Variants in SYT1 observed in about 807,000 individuals in gnomAD.
The protein encoded by SYT1 is synaptotagmin-1.
Under a neutral mutation model 44.8 loss-of-function variants are expected in SYT1, and 8 were observed. The ratio of observed to expected loss-of-function variants is 0.18; its 90% CI spans 0.10 to 0.32. The LOEUF (loss-of-function observed/expected upper bound fraction) is 0.32. SYT1 is among the 10% of genes least tolerant of loss of function. The probability of loss-of-function intolerance (pLI) is 1.00; values close to 1 mark genes in which losing one functional copy is unlikely to be tolerated. For synonymous variants in SYT1, 154 were observed against 188.8 expected, an observed-to-expected ratio of 0.82 and a Z score of 1.51; for missense variants, 286 against 509.3, an observed-to-expected ratio of 0.56 and a Z score of 4.22.
At chr12:78,894,328 C>CTGTTTTTTT (rs1875225593) in intron 1 of SYT1, among the ~76,000 whole-genome samples, 1 of 9,740 alleles carries the variant, frequency 1.0e-4, no homozygotes, top group Non-Finnish European at 2.2e-4. Flanking sequence ...GTTTTTTAAT[C>CTGTTTTTTT]TGTTTTTTTT....
At chr12:79,287,381 C>A (rs1879363437) in intron 5 of SYT1, among the ~76,000 whole-genome samples, 1 of 152,078 alleles carries the variant, frequency 6.6e-6, no homozygotes, top group African/African-American at 2.4e-5. Flanking sequence ...TAAGTAGAAA[C>A]TAAAATTTCC....
At chr12:78,992,727 T>G (rs539600747) in intron 2 of SYT1, among the ~76,000 whole-genome samples, 1 of 152,268 alleles carries the variant, frequency 6.6e-6, no homozygotes, top group South Asian at 2.1e-4. Flanking sequence ...AAAGAAGCAG[T>G]GCAGTGATGA....
At chr12:79,319,085 T>A (rs1358780709) in intron 8 of SYT1, among the ~76,000 whole-genome samples, 2 of 152,196 alleles carry the variant, frequency 1.3e-5, no homozygotes, top group Non-Finnish European at 2.9e-5. Flanking sequence ...TCTGTTTATG[T>A]TGAAGCCATG....
chr12:78,886,194 TA>T (rs1354889750), intron 1 of SYT1, among the ~76,000 whole-genome samples: 1 of 151,966 alleles, frequency 6.6e-6, no homozygotes, highest in Admixed American at 6.6e-5. Context: ...AATATCTTTT[TA>T]TTTTTTTCTA....
chr12:79,056,577 AC>A (rs1170692725), intron 3 of SYT1, among the ~76,000 whole-genome samples: 1 of 151,996 alleles, frequency 6.6e-6, no homozygotes, highest in Non-Finnish European at 1.5e-5. Flanking sequence ...AACAAAGGGG[AC>A]CACTTCCTCC....
At position 79,235,052 on chromosome 12, in the gene SYT1, G is replaced by A. The variant is rs151317782; in HGVS notation, c.166+17367G>A. On this transcript the variant is annotated intron_variant, in intron 4 of 10. Coordinates refer to ENST00000261205, the MANE Select transcript of SYT1 (RefSeq NM_005639.3). Reference sequence around the variant, plus strand: ...AATAAAGTTGCAGTAAATATTTTTGGGCAACTCTTTAAGAGGACATATATT... The same window carrying A: ...AATAAAGTTGCAGTAAATATTTTTGAGCAACTCTTTAAGAGGACATATATT... 4.9e-3 allele frequency among the ~76,000 whole-genome samples: 740 copies of A among 152,096 alleles called. 1 individual carries two copies. Among genetic ancestry groups the A allele is most frequent in the African/African-American group, 0.017 (704 of 41,494 alleles).
At chr12:79,278,722 T>C (rs867405778) in intron 4 of SYT1, among the ~76,000 whole-genome samples, 17 of 152,004 alleles carry the variant, frequency 1.1e-4, no homozygotes, top group Admixed American at 6.6e-5. Flanking sequence ...AAAAGTTGGT[T>C]ATTTGAAAAG....
chr12:79,362,383 A>T (rs1883351437), intron 9 of SYT1, among the ~76,000 whole-genome samples: 1 of 152,180 alleles, frequency 6.6e-6, no homozygotes, highest in African/African-American at 2.4e-5. Context: ...GTCACATAGA[A>T]CCATCCATTG....
chr12:79,345,728 G>A (rs1882579758), intron 8 of SYT1, among the ~76,000 whole-genome samples: 1 of 152,126 alleles, frequency 6.6e-6, no homozygotes, highest in Non-Finnish European at 1.5e-5. Flanking sequence ...AAATGAAGTT[G>A]AAAAATGCTA....
At chr12:79,168,617 A>T (rs750888838) in intron 3 of SYT1, among the ~76,000 whole-genome samples, 3 of 151,892 alleles carry the variant, frequency 2.0e-5, no homozygotes, top group Non-Finnish European at 4.4e-5. Context: ...AAATAACACA[A>T]TTTTCTGAGG....
At chr12:79,174,806 C>A (rs571945422) in intron 3 of SYT1, among the ~76,000 whole-genome samples, 34 of 152,004 alleles carry the variant, frequency 2.2e-4, no homozygotes, top group Non-Finnish European at 3.5e-4. Flanking sequence ...CAGGAATTGG[C>A]ATCATCCTAT....
intron 1 of SYT1, among the ~76,000 whole-genome samples, chr12:78,922,212 T>G (rs1215843992): frequency 1.3e-5 from 2 of 151,926 alleles, no homozygotes; most frequent in African/African-American, 4.8e-5. Context: ...CACAGGAGAC[T>G]GTTCTCCATA....
At chr12:78,966,664 C>G (rs1592613078) in intron 1 of SYT1, among the ~76,000 whole-genome samples, 1 of 152,238 alleles carries the variant, frequency 6.6e-6, no homozygotes, top group East Asian at 1.9e-4. Context: ...AGTGCCTCAG[C>G]CTGAACCCAG....
chr12:79,349,037 G>GAAAGAAAGAAAGAAAGAAAGAA lies in SYT1; in HGVS notation c.811-4445_811-4444insAAAAAGAAAGAAAGAAAGAAAG, dbSNP rs1882757945. Among the ~76,000 whole-genome samples, 506 of 96,514 alleles carry GAAAGAAAGAAAGAAAGAAAGAA rather than the reference G, an allele frequency of 5.2e-3. 2 individuals carry two copies. Among genetic ancestry groups the GAAAGAAAGAAAGAAAGAAAGAA allele is most frequent in the African/African-American group, 7.5e-3 (190 of 25,412 alleles). The allele number at this position is 96,514 out of a possible 152,430, so 63.3% of individuals were successfully genotyped here. A position where few individuals can be genotyped will look rare whatever the true frequency, so the allele number is the denominator to read the frequency against. ...AAAGAAAGAAAGAAAGAAAGAAAAA[G>GAAAGAAAGAAAGAAAGAAAGAA]AAAGAAAGAAAGAAAGAAAGGAGGG... On this transcript the variant is annotated intron_variant, in intron 8 of 10. Coordinates refer to ENST00000261205, the MANE Select transcript of SYT1 (RefSeq NM_005639.3).
chr12:79,180,390 A>T (rs1234015450), intron 3 of SYT1, among the ~76,000 whole-genome samples: 1 of 152,080 alleles, frequency 6.6e-6, no homozygotes, highest in Non-Finnish European at 1.5e-5. Flanking sequence ...AAGCCTCAAC[A>T]TATGTAATCA....
intron 4 of SYT1, among the ~76,000 whole-genome samples, chr12:79,219,770 T>C (rs1165038330): frequency 6.6e-6 from 1 of 152,116 alleles, no homozygotes; most frequent in Non-Finnish European, 1.5e-5. Context: ...ACTATAACTC[T>C]GTACTATATT....
intron 9 of SYT1, among the ~76,000 whole-genome samples, chr12:79,363,339 G>A (rs1246016286): frequency 6.6e-6 from 1 of 151,976 alleles, no homozygotes; most frequent in East Asian, 1.9e-4. Context: ...TGTTAGTAAA[G>A]CCTATAATAG....
At chr12:78,931,196 A>G (rs1015993982) in intron 1 of SYT1, among the ~76,000 whole-genome samples, 30 of 23,914 alleles carry the variant, frequency 1.3e-3, no homozygotes, top group Non-Finnish European at 1.6e-3. Flanking sequence ...AGAAAGAAAG[A>G]AAGAAAGAAA....
intron 3 of SYT1, among the ~76,000 whole-genome samples, chr12:79,074,932 C>T (rs953576789): frequency 6.6e-6 from 1 of 152,058 alleles, no homozygotes; most frequent in Non-Finnish European, 1.5e-5. Flanking sequence ...TTCTTGTTTT[C>T]CATGCAGTAG....
Sources: gnomAD v4.1 joint callset for allele counts (sites outside exome capture counted in the v4.1 genomes callset) on GRCh38, gnomAD v4.1.1 for gene constraint, MANE v1.5 for transcripts, NCBI Gene and HGNC (gene_info 2026-07-23, HGNC 2026-07-21) for gene names.